ACAP2: variants seen among roughly 807,000 people sequenced by gnomAD.
ACAP2 encodes the protein arf-GAP with coiled-coil, ANK repeat and PH domain-containing protein 2.
ACAP2 carries 39 observed loss-of-function variants against 115.8 expected under a neutral mutation model. The observed-to-expected ratio is 0.34, with a 90% CI of 0.26 to 0.44. ACAP2 has a LOEUF of 0.44. ACAP2 is among the 20% of genes least tolerant of loss of function. ACAP2 has a pLI of 1.00. For missense variants in ACAP2, 662 were observed against 927.6 expected, an observed-to-expected ratio of 0.71 and a Z score of 3.72; for synonymous variants, 289 against 315.8, an observed-to-expected ratio of 0.92 and a Z score of 0.90.
intron 2 of ACAP2, among the ~76,000 whole-genome samples, chr3:195,383,756 G>A (rs141703399): frequency 2.6e-5 from 4 of 151,856 alleles, no homozygotes; most frequent in Admixed American, 6.6e-5. Context: ...ACAAGTTTCC[G>A]TACCATAAAA....
rs1177460090 is a variant in ACAP2 at position 195,377,136 on chromosome 3, ATC to A, written c.285+3871_285+3872del. ...TTCATTTTACAGAGGAGGAATGTAAATCTTTTTTTTTTTTTTTTTTTTTTTGG... is the reference window on the plus strand; with the variant it reads ...TTCATTTTACAGAGGAGGAATGTAAATTTTTTTTTTTTTTTTTTTTTTTGG... On this transcript the variant is annotated intron_variant, in intron 4 of 22. Coordinates refer to ENST00000326793, the MANE Select transcript of ACAP2 (RefSeq NM_012287.6). Among the ~76,000 whole-genome samples, 8 of 89,754 alleles carry A rather than the reference ATC, an allele frequency of 8.9e-5. No individual in the cohort carries two copies. The South Asian group carries it at 2.6e-3, about 29-fold the overall frequency. The allele number at this position is 89,754 out of a possible 152,430, so 58.9% of individuals were successfully genotyped here. A position where few individuals can be genotyped will look rare whatever the true frequency, so the allele number is the denominator to read the frequency against.
intron 1 of ACAP2, chr3:195,412,941 A>G (rs568750056): frequency 2.2e-6 from 1 of 455,848 alleles, no homozygotes; most frequent in Non-Finnish European, 4.4e-6. Flanking sequence ...CACAATTAGT[A>G]AACAGATATG....
chr3:195,372,637 C>T (rs993940904), intron 4 of ACAP2, among the ~76,000 whole-genome samples: 2 of 152,032 alleles, frequency 1.3e-5, no homozygotes, highest in African/African-American at 4.8e-5. Context: ...GCCTGGGCAA[C>T]ACAGGAAGAC....
intron 1 of ACAP2, among the ~76,000 whole-genome samples, chr3:195,400,560 C>CTACAAAAAGA (rs1445160563): frequency 2.0e-5 from 3 of 150,994 alleles, no homozygotes; most frequent in African/African-American, 7.3e-5. Flanking sequence ...AAAATCATTC[C>CTACAAAAAGA]ATTTCCAAGA....
chr3:195,394,005 T>C (rs1304322383), intron 1 of ACAP2, among the ~76,000 whole-genome samples: 1 of 151,982 alleles, frequency 6.6e-6, no homozygotes, highest in Non-Finnish European at 1.5e-5. Flanking sequence ...AAAGTATAAA[T>C]AAGGATTTGC....
In ACAP2 at chr3:195,342,398, G is replaced by A; in HGVS notation, c.528+73C>T. On this transcript the variant is annotated intron_variant, in intron 6 of 22. Transcript: ENST00000326793. Reference sequence around the variant, plus strand: ...GAGTAAAAGTATTTATTCTTCTTAGGGCGATCACTCAAAAGTAACAACCTG... The same window carrying A: ...GAGTAAAAGTATTTATTCTTCTTAGAGCGATCACTCAAAAGTAACAACCTG... 5 of 1,376,684 alleles carry A rather than the reference G, an allele frequency of 3.6e-6. No individual in the cohort carries two copies. The South Asian group carries it at 7.6e-5, about 21-fold the overall frequency. 85.3% of individuals were successfully genotyped at this position (1,376,684 alleles called of 1,614,324 possible).
At chr3:195,411,059 T>A in intron 1 of ACAP2, 1 of 319,712 alleles carries the variant, frequency 3.1e-6, no homozygotes, top group Admixed American at 3.7e-5. Context: ...TCAGTGCTAT[T>A]CTGCCATCGA....
chr3:195,409,228 T>C (rs1390990739), intron 1 of ACAP2, among the ~76,000 whole-genome samples: 1 of 152,104 alleles, frequency 6.6e-6, no homozygotes, highest in African/African-American at 2.4e-5. Flanking sequence ...TTAGAATAAA[T>C]GAATTCCTCA....
intron 21 of ACAP2, among the ~76,000 whole-genome samples, chr3:195,286,994 C>T (rs1726886051): frequency 6.6e-6 from 1 of 152,124 alleles, no homozygotes; most frequent in African/African-American, 2.4e-5. Context: ...AACAGTAACC[C>T]CTCCTGTGGG....
chr3:195,340,767 G>A (rs569193705), intron 6 of ACAP2, among the ~76,000 whole-genome samples: 3 of 152,186 alleles, frequency 2.0e-5, no homozygotes, highest in East Asian at 1.9e-4. Flanking sequence ...GGCAGGGTGA[G>A]TACCCTGTAG....
At chr3:195,336,638 G>A (rs1326020448) in intron 7 of ACAP2, 2 of 252,784 alleles carry the variant, frequency 7.9e-6, no homozygotes, top group Non-Finnish European at 1.5e-5. Context: ...AAATGGTACT[G>A]GGCATCTAGT....
At chr3:195,406,957 A>G (rs1189091653) in intron 1 of ACAP2, among the ~76,000 whole-genome samples, 2 of 152,190 alleles carry the variant, frequency 1.3e-5, no homozygotes, top group Non-Finnish European at 2.9e-5. Context: ...CTTAAATATT[A>G]TCTGTCCTAT....
chr3:195,348,274 G>A (rs1410319442), intron 4 of ACAP2, among the ~76,000 whole-genome samples: 1 of 151,410 alleles, frequency 6.6e-6, no homozygotes, highest in Non-Finnish European at 1.5e-5. Flanking sequence ...ATATCAGAAA[G>A]AAATGGCACA....
chr3:195,435,586 A>G (rs564011392), intron 1 of ACAP2, among the ~76,000 whole-genome samples: 1 of 151,630 alleles, frequency 6.6e-6, no homozygotes, highest in East Asian at 1.9e-4. Context: ...ATATTTCTTC[A>G]TTTTGCTTGT....
chr3:195,411,624 T>G (rs1713268238), intron 1 of ACAP2, among the ~76,000 whole-genome samples: 1 of 152,232 alleles, frequency 6.6e-6, no homozygotes, highest in Non-Finnish European at 1.5e-5. Context: ...CTTGGTAATC[T>G]ACAATATTTT....
intron 10 of ACAP2, among the ~76,000 whole-genome samples, chr3:195,317,169 A>C (rs1179223522): frequency 6.6e-6 from 1 of 152,092 alleles, no homozygotes; most frequent in Non-Finnish European, 1.5e-5. Flanking sequence ...AAGTGCTGGG[A>C]TTATAGGCGT....
Position 195,326,950 on chromosome 3 carries a change from G to C in ACAP2, c.679C>G (p.Leu227Val). 6.2e-7 allele frequency: 1 copy of C among 1,613,682 alleles called. No individual in the cohort carries two copies. The highest frequency in any genetic ancestry group is 1.1e-5 in the South Asian group (1 of 91,048). The change falls in exon 9 of 23, where the codon CTG becomes GTG. Residue 227 changes from leucine to valine, a missense_variant. This residue lies in a region of ACAP2 where 401 missense variants were observed against 604.4 expected (regional missense o/e 0.66). Coordinates refer to ENST00000326793, the MANE Select transcript of ACAP2 (RefSeq NM_012287.6). ...TTCTCCTTTGCTGCATCCACAACCAGTCGATCCAACTGTAAAAAGGGAAAA... is the reference window on the plus strand; with the variant it reads ...TTCTCCTTTGCTGCATCCACAACCACTCGATCCAACTGTAAAAAGGGAAAA... The part of the protein sequence containing the change: ...MKDLGAQLDR[L>V]VVDAAKEKRE...
chr3:195,317,177 C>T (rs750081745), intron 10 of ACAP2, among the ~76,000 whole-genome samples: 5 of 151,930 alleles, frequency 3.3e-5, no homozygotes, highest in African/African-American at 7.3e-5. Context: ...GGATTATAGG[C>T]GTGAGCCACC....
At chr3:195,415,202 T>C (rs549514280) in intron 1 of ACAP2, among the ~76,000 whole-genome samples, 22 of 152,260 alleles carry the variant, frequency 1.4e-4, no homozygotes, top group African/African-American at 5.1e-4. Context: ...GAAGGTTCTA[T>C]GTGTCAGAGC....
Sources: allele counts gnomAD v4.1 joint callset (sites outside exome capture counted in the v4.1 genomes callset), GRCh38; gene constraint gnomAD v4.1.1; regional missense constraint gnomAD v4.1.1; transcripts MANE v1.5; gene names NCBI Gene and HGNC (gene_info 2026-07-23, HGNC 2026-07-21).